The following DOK6 variants were observed in gnomAD, a reference collection of about 807,000 sequenced individuals.
DOK6 encodes the protein docking protein 6.
A neutral mutation model predicts 44.0 loss-of-function variants in DOK6; 22 were observed. That is an observed-to-expected ratio of 0.50 (90% confidence interval 0.36 to 0.71). The LOEUF is 0.71. Ranked by LOEUF, DOK6 falls within the 30% of genes least tolerant of loss-of-function variation. The pLI is 0.00. For missense variants in DOK6, 340 were observed against 416.4 expected (o/e 0.82, Z 1.60); for synonymous variants, 166 against 145.5 (o/e 1.14, Z -1.01).
chr18:69,503,649 T>C (rs1175705526), intron 1 of DOK6, among the ~76,000 whole-genome samples: 1 of 152,062 alleles, frequency 6.6e-6, no homozygotes, highest in African/African-American at 2.4e-5. Flanking sequence ...CAACATATAT[T>C]ATCTTTAAAA....
intron 1 of DOK6, among the ~76,000 whole-genome samples, chr18:69,480,365 T>C (rs1980384183): frequency 6.6e-6 from 1 of 152,118 alleles, no homozygotes; most frequent in South Asian, 2.1e-4. Flanking sequence ...GTGTCAAAGA[T>C]ATGAATCTTG....
rs1568251856 is a variant in DOK6, at chr18:69,420,517, G to A, written c.66+19207G>A. 2.0e-5 allele frequency among the ~76,000 whole-genome samples: 3 copies of A among 151,804 alleles called. No homozygotes were observed. In the East Asian group the frequency reaches 5.8e-4, roughly 29 times the overall value. ...TTTTATTTTTTTAATTATACTTTAA[G>A]TTCTAGGGTACATGTGCACAACGTG... is the stretch of plus-strand genomic sequence containing the variant. On this transcript the variant is annotated intron_variant, in intron 1 of 7. Coordinates refer to ENST00000382713, the MANE Select transcript of DOK6 (RefSeq NM_152721.6).
At chr18:69,541,621 A>G (rs949210394) in intron 1 of DOK6, among the ~76,000 whole-genome samples, 2 of 151,466 alleles carry the variant, frequency 1.3e-5, no homozygotes, top group Non-Finnish European at 3.0e-5. Flanking sequence ...CCATGAAGGG[A>G]ATACATTGTG....
intron 3 of DOK6, among the ~76,000 whole-genome samples, chr18:69,629,181 A>G (rs1043248862): frequency 4.6e-5 from 7 of 152,188 alleles, no homozygotes; most frequent in Non-Finnish European, 2.9e-5. Context: ...GCAGCTTCAT[A>G]TCTATGCAGA....
intron 1 of DOK6, among the ~76,000 whole-genome samples, chr18:69,495,332 T>C (rs1198623917): frequency 1.3e-5 from 2 of 152,240 alleles, no homozygotes; most frequent in Admixed American, 6.5e-5. Flanking sequence ...TACAGCTCTT[T>C]CAGCCCTGCC....
At chr18:69,643,037 C>G (rs1173368799) in intron 3 of DOK6, among the ~76,000 whole-genome samples, 1 of 152,132 alleles carries the variant, frequency 6.6e-6, no homozygotes, top group Non-Finnish European at 1.5e-5. Flanking sequence ...TCTTTACATA[C>G]TTTGTTTCCC....
intron 2 of DOK6, among the ~76,000 whole-genome samples, chr18:69,569,995 A>G (rs1161834456): frequency 6.6e-6 from 1 of 152,102 alleles, no homozygotes; most frequent in Non-Finnish European, 1.5e-5. Flanking sequence ...AATAATGAGA[A>G]CATATGGACA....
In DOK6 at chr18:69,404,462, C is replaced by T. The variant is rs1386733374; in HGVS notation, c.66+3152C>T. 2.6e-5 allele frequency among the ~76,000 whole-genome samples: 4 copies of T among 152,188 alleles called. No homozygotes were observed. The South Asian group carries it at 6.2e-4, about 24-fold the overall frequency. ...ATCACTGAAAGCATTAATAATCTAACACTTTGTGTATTGACCCTAAATTTA... is the reference window on the plus strand; with the variant it reads ...ATCACTGAAAGCATTAATAATCTAATACTTTGTGTATTGACCCTAAATTTA... On this transcript the variant is annotated intron_variant, in intron 1 of 7. Coordinates refer to ENST00000382713, the MANE Select transcript of DOK6 (RefSeq NM_152721.6).
intron 1 of DOK6, among the ~76,000 whole-genome samples, chr18:69,402,514 G>A (rs1464142210): frequency 6.6e-6 from 1 of 152,242 alleles, no homozygotes; most frequent in East Asian, 1.9e-4. Flanking sequence ...CCAAGCACCA[G>A]GAGTCGCTTT....
chr18:69,703,504 A>G (rs184623022), intron 5 of DOK6, among the ~76,000 whole-genome samples: 28 of 152,202 alleles, frequency 1.8e-4, no homozygotes, highest in Non-Finnish European at 3.5e-4. Context: ...AGGGTTGTGT[A>G]TTAGGAACAT....
intron 7 of DOK6, among the ~76,000 whole-genome samples, chr18:69,825,068 A>G (rs1360199807): frequency 6.6e-6 from 1 of 152,220 alleles, no homozygotes; most frequent in Non-Finnish European, 1.5e-5. Flanking sequence ...GAGAGAACAT[A>G]AACTAATATG....
intron 1 of DOK6, among the ~76,000 whole-genome samples, chr18:69,468,245 A>G (rs1029674608): frequency 7.9e-5 from 12 of 152,300 alleles, no homozygotes; most frequent in African/African-American, 2.9e-4. Flanking sequence ...CAAATAATGA[A>G]TACTTATTTA....
chr18:69,580,529 G>A lies in DOK6; in HGVS notation c.174+15935G>A, dbSNP rs59447635. 1.3e-3 allele frequency among the ~76,000 whole-genome samples: 203 copies of A among 151,924 alleles called. 2 individuals carry two copies. The highest frequency in any genetic ancestry group is 4.7e-3 in the African/African-American group (193 of 41,414). ...CTTTCATTTTCCTTTTTCTGTTTTC[G>A]GTTTTATTATTATTATTTTCAATTG... On this transcript the variant is annotated intron_variant, in intron 2 of 7. Transcript: ENST00000382713.
intron 1 of DOK6, among the ~76,000 whole-genome samples, chr18:69,486,535 T>G (rs1568273416): frequency 6.6e-6 from 1 of 152,220 alleles, no homozygotes; most frequent in Non-Finnish European, 1.5e-5. Context: ...AAATGTATTC[T>G]GGAAACTTAC....
chr18:69,848,648 A>T lies in DOK6; in HGVS notation c.*7265A>T, dbSNP rs1982405417. 6.6e-6 allele frequency: 1 copy of T among 152,238 alleles called. No individual in the cohort carries two copies. The highest frequency in any genetic ancestry group is 1.5e-5 in the Non-Finnish European group (1 of 68,034). 9.4% of individuals were successfully genotyped at this position (152,238 alleles called of 1,614,324 possible). On this transcript the variant is annotated 3_prime_UTR_variant, in exon 8 of 8. Coordinates refer to ENST00000382713, the MANE Select transcript of DOK6 (RefSeq NM_152721.6). The stretch of plus-strand genomic sequence containing the variant: ...CCCTTGGTAAAAATACATGAAATAC[A>T]TAATTGAAAAATTACCTTCTTCTGA...
At chr18:69,786,442 T>TATG (rs1440015149) in intron 7 of DOK6, among the ~76,000 whole-genome samples, 2 of 152,106 alleles carry the variant, frequency 1.3e-5, no homozygotes, top group Non-Finnish European at 2.9e-5. Flanking sequence ...ATATAAAGAG[T>TATG]CAGCCTTATG....
intron 7 of DOK6, among the ~76,000 whole-genome samples, chr18:69,806,860 A>G (rs563979345): frequency 1.1e-4 from 16 of 152,038 alleles, no homozygotes; most frequent in Non-Finnish European, 2.1e-4. Context: ...AATCAAGTAC[A>G]TCATGTATTC....
chr18:69,670,453 A>C (rs1030711095), intron 3 of DOK6, among the ~76,000 whole-genome samples: 1 of 152,090 alleles, frequency 6.6e-6, no homozygotes, highest in Non-Finnish European at 1.5e-5. Context: ...CCTCTTCCTC[A>C]AAAAGTTGTC....
intron 1 of DOK6, among the ~76,000 whole-genome samples, chr18:69,540,987 C>T (rs895265092): frequency 6.6e-6 from 1 of 152,058 alleles, no homozygotes; most frequent in Non-Finnish European, 1.5e-5. Flanking sequence ...CTAATTCTTG[C>T]ACTAATTTGA....
Sources: gnomAD v4.1 joint callset for allele counts (sites outside exome capture counted in the v4.1 genomes callset) on GRCh38, gnomAD v4.1.1 for gene constraint, MANE v1.5 for transcripts, NCBI Gene and HGNC (gene_info 2026-07-23, HGNC 2026-07-21) for gene names.